EYA1: variants seen among roughly 807,000 people sequenced by gnomAD.
EYA1 encodes the protein EYA transcriptional coactivator and phosphatase 1.
A neutral mutation model predicts 82.0 loss-of-function variants in EYA1; 16 were observed. The observed-to-expected ratio is 0.20, with a 90% CI of 0.13 to 0.30. The LOEUF is 0.30. Ranked by LOEUF, EYA1 falls within the 10% of genes least tolerant of loss-of-function variation. The probability of loss-of-function intolerance (pLI) is 1.00; values close to 1 mark genes in which losing one functional copy is unlikely to be tolerated. For synonymous variants in EYA1, 261 were observed against 264.4 expected (o/e 0.99, Z 0.12); for missense variants, 633 against 730.7 (o/e 0.87, Z 1.54).
In EYA1 at chr8:71,542,859, T is replaced by C. The variant is rs527775411; in HGVS notation, c.-73+5005A>G. Among the ~76,000 whole-genome samples the C allele has an allele frequency of 2.4e-3, 361 of 152,366 alleles. 1 individual carries two copies. The highest frequency in any genetic ancestry group is 8.2e-3 in the African/African-American group (339 of 41,582). On this transcript the variant is annotated intron_variant, in intron 1 of 18. Coordinates refer to the EYA1 transcript ENST00000643681. Reference sequence around the variant, plus strand: ...TATGATTTTTGGCTACATGTATGTCTTTGGAAAGTGTCTGTTCATGTCCTT... The same window carrying C: ...TATGATTTTTGGCTACATGTATGTCCTTGGAAAGTGTCTGTTCATGTCCTT...
intron 12 of EYA1, among the ~76,000 whole-genome samples, chr8:71,233,723 CTT>C (rs1039135039): frequency 3.9e-4 from 60 of 152,206 alleles, no homozygotes; most frequent in African/African-American, 1.3e-3. Flanking sequence ...GAAAATCTGA[CTT>C]AACGTAATAT....
intron 11 of EYA1, among the ~76,000 whole-genome samples, chr8:71,255,601 T>C (rs1814312111): frequency 6.6e-6 from 1 of 152,092 alleles, no homozygotes; most frequent in Non-Finnish European, 1.5e-5. Flanking sequence ...TAACTCAAAA[T>C]AGATCAAAAA....
intron 5 of EYA1, 93 bp downstream of exon 5, chr8:71,322,106 T>C: frequency 8.1e-7 from 1 of 1,230,810 alleles, no homozygotes; most frequent in Non-Finnish European, 1.2e-6. Flanking sequence ...TTCATTTAAA[T>C]TAAGATGGAA....
chr8:71,266,744 C>T (rs545105191), intron 11 of EYA1, among the ~76,000 whole-genome samples: 2 of 152,352 alleles, frequency 1.3e-5, no homozygotes, highest in African/African-American at 4.8e-5. Flanking sequence ...GCTCACCTTC[C>T]AGTGGTTTCC....
At chr8:71,481,793 A>C (rs1184771355) in intron 2 of EYA1, among the ~76,000 whole-genome samples, 1 of 152,192 alleles carries the variant, frequency 6.6e-6, no homozygotes, top group Non-Finnish European at 1.5e-5. Context: ...CAGGGCAATC[A>C]CAGCAGGAAT....
intron 2 of EYA1, among the ~76,000 whole-genome samples, chr8:71,394,674 A>G (rs1397449749): frequency 6.6e-6 from 1 of 152,160 alleles, no homozygotes; most frequent in Non-Finnish European, 1.5e-5. Flanking sequence ...TACCAGTACC[A>G]TGCTGGTTTG....
chr8:71,287,562 A>G (rs1381069289), intron 9 of EYA1, among the ~76,000 whole-genome samples: 3 of 152,146 alleles, frequency 2.0e-5, no homozygotes, highest in Non-Finnish European at 4.4e-5. Flanking sequence ...CCTGGTAGAA[A>G]CCTCTAATTA....
chr8:71,479,794 T>C (rs1283023056), intron 2 of EYA1, among the ~76,000 whole-genome samples: 2 of 152,132 alleles, frequency 1.3e-5, no homozygotes, highest in Non-Finnish European at 2.9e-5. Context: ...CTAAGATACC[T>C]GAACACCACT....
chr8:71,465,256 A>G (rs1400079507), intron 2 of EYA1, among the ~76,000 whole-genome samples: 2 of 152,222 alleles, frequency 1.3e-5, no homozygotes, highest in African/African-American at 2.4e-5. Flanking sequence ...TAAGGTAAAC[A>G]AATAGAGCAG....
chr8:71,485,863 G>C (rs1000892064), intron 2 of EYA1, among the ~76,000 whole-genome samples: 1 of 152,158 alleles, frequency 6.6e-6, no homozygotes, highest in African/African-American at 2.4e-5. Flanking sequence ...CATTTTTTAT[G>C]AGTTTTTATG....
chr8:71,546,157 G>T (rs1423604690), intron 1 of EYA1, among the ~76,000 whole-genome samples: 1 of 151,962 alleles, frequency 6.6e-6, no homozygotes, highest in Non-Finnish European at 1.5e-5. Flanking sequence ...GTCCTACCTG[G>T]TCTCCAAGTC....
chr8:71,453,593 A>C (rs1807593048), intron 2 of EYA1, among the ~76,000 whole-genome samples: 1 of 152,256 alleles, frequency 6.6e-6, no homozygotes, highest in Admixed American at 6.5e-5. Context: ...TCTACAAGCC[A>C]GAAGAGAATG....
chr8:71,411,613 A>G (rs1448544686), intron 2 of EYA1, among the ~76,000 whole-genome samples: 1 of 151,886 alleles, frequency 6.6e-6, no homozygotes, highest in Non-Finnish European at 1.5e-5. Context: ...TTATGCAGCC[A>G]AAATACATGA....
intron 4 of EYA1, among the ~76,000 whole-genome samples, chr8:71,326,089 T>C (rs970935599): frequency 6.6e-6 from 1 of 152,196 alleles, no homozygotes; most frequent in Non-Finnish European, 1.5e-5. Flanking sequence ...CAATATCTCT[T>C]CATCTGTTTC....
intron 11 of EYA1, among the ~76,000 whole-genome samples, chr8:71,264,566 C>T (rs1039549806): frequency 1.4e-5 from 2 of 146,922 alleles, no homozygotes; most frequent in Admixed American, 6.8e-5. Flanking sequence ...CTTTTACATT[C>T]GTGAGCAATT....
chr8:71,214,093 G>A (rs971512838), intron 16 of EYA1, among the ~76,000 whole-genome samples: 1 of 152,138 alleles, frequency 6.6e-6, no homozygotes, highest in Non-Finnish European at 1.5e-5. Flanking sequence ...GCAGGCAAAC[G>A]GAAGTTAGAC....
intron 2 of EYA1, among the ~76,000 whole-genome samples, chr8:71,519,785 T>G (rs1314858568): frequency 6.6e-6 from 1 of 152,140 alleles, no homozygotes; most frequent in East Asian, 1.9e-4. Context: ...TTAGGCCATT[T>G]TGGTGTCCCT....
chr8:71,307,487 C>T (rs920798608), intron 7 of EYA1, among the ~76,000 whole-genome samples: 2 of 152,000 alleles, frequency 1.3e-5, no homozygotes, highest in Non-Finnish European at 2.9e-5. Flanking sequence ...TGGCTTCTTT[C>T]AAACTACATG....
At chr8:71,313,444 G>A (rs534685298) in intron 7 of EYA1, among the ~76,000 whole-genome samples, 14 of 152,170 alleles carry the variant, frequency 9.2e-5, no homozygotes, top group African/African-American at 3.1e-4. Context: ...ACCTAATCTG[G>A]AACTATTCCA....
Sources: allele counts gnomAD v4.1 joint callset (sites outside exome capture counted in the v4.1 genomes callset), GRCh38; gene constraint gnomAD v4.1.1; transcripts MANE v1.5; gene names NCBI Gene and HGNC (gene_info 2026-07-23, HGNC 2026-07-21).